RNF212B: variants seen among roughly 807,000 people sequenced by gnomAD.
RNF212B encodes the protein ring finger protein 212B, also known as E3 ubiquitin-protein ligase RNF212B.
In RNF212B, 52 loss-of-function variants were observed where a neutral mutation model predicts 55.5. The ratio of observed to expected loss-of-function variants is 0.94; its 90% CI spans 0.75 to 1.18. RNF212B has a LOEUF of 1.18. Among genes scored for constraint, RNF212B ranks in the 50% most tolerant of loss-of-function variants. RNF212B has a pLI of 0.00. For synonymous variants in RNF212B, 99 were observed against 121.4 expected (o/e 0.82, Z 1.21); for missense variants, 289 against 350.4 (o/e 0.82, Z 1.40).
intron 2 of RNF212B, among the ~76,000 whole-genome samples, chr14:23,202,829 G>A (rs1195301296): frequency 2.1e-5 from 3 of 143,716 alleles, no homozygotes; most frequent in Admixed American, 7.1e-5. Flanking sequence ...TAGCCTGGGC[G>A]ACAGAGCGAG....
chr14:23,225,626 G>C, intron 2 of RNF212B, among the ~76,000 whole-genome samples: 1 of 150,750 alleles, frequency 6.6e-6, no homozygotes, highest in Non-Finnish European at 1.5e-5. Context: ...TGAAGATAGA[G>C]AATAGAAGGA....
exon 1 of RNF212B, chr14:23,185,382 G>A (rs910285495): frequency 3.3e-5 from 5 of 152,170 alleles, no homozygotes; most frequent in Non-Finnish European, 7.3e-5. Context: ...ACCTTAGAAA[G>A]CACTGAGGAA....
Position 23,240,460 on chromosome 14 carries a change from T to C in RNF212B, c.100+15T>C, listed in dbSNP as rs1197080634. On this transcript the variant is annotated intron_variant, in intron 2 of 14. Transcript: ENST00000430154. ...TGTGACTCTGGGTGAGTGACTCAAC[T>C]GTTTTCAGATTCAGGGAAAAATGTT... The C allele has an allele frequency of 6.7e-7, 1 of 1,492,388 alleles. No individual in the cohort carries two copies. Among genetic ancestry groups the C allele is most frequent in the African/African-American group, 1.4e-5 (1 of 71,868 alleles). The allele number at this position is 1,492,388 out of a possible 1,614,324, so 92.4% of individuals were successfully genotyped here.
chr14:23,244,492 A>G, intron 4 of RNF212B, 96 bp downstream of exon 4: 1 of 641,262 alleles, frequency 1.6e-6, no homozygotes, highest in South Asian at 2.0e-5. Flanking sequence ...CTGCATTTGT[A>G]CACAATGGAG....
intron 8 of RNF212B, 43 bp from the exon 9 acceptor site, chr14:23,262,885 C>A: frequency 1.3e-6 from 2 of 1,542,098 alleles, no homozygotes; most frequent in Non-Finnish European, 1.8e-6. Context: ...GGCAGGCATA[C>A]CATTGATGGC....
At chr14:23,259,831 C>G in intron 5 of RNF212B, 53 bp from the exon 6 acceptor site, 1 of 942,402 alleles carries the variant, frequency 1.1e-6, no homozygotes, top group Non-Finnish European at 1.6e-6. Flanking sequence ...AATAAAAAAT[C>G]AGGTTTTTAA....
upstream of RNF212B, among the ~76,000 whole-genome samples, chr14:23,236,680 G>A (rs1883125478): frequency 6.6e-6 from 1 of 151,842 alleles, no homozygotes. Flanking sequence ...GGTAAATATT[G>A]GTAGATGCAA....
At chr14:23,226,503 C>A (rs929413003) in intron 2 of RNF212B, among the ~76,000 whole-genome samples, 3 of 150,192 alleles carry the variant, frequency 2.0e-5, no homozygotes, top group Admixed American at 1.3e-4. Flanking sequence ...TGGCGGCGTG[C>A]GCCTGTAGTC....
intron 7 of RNF212B, among the ~76,000 whole-genome samples, chr14:23,262,304 T>C (rs1194078848): frequency 6.6e-6 from 1 of 152,184 alleles, no homozygotes; most frequent in African/African-American, 2.4e-5. Context: ...TTGGGTTTAG[T>C]TATTTTTCTA....
chr14:23,250,058 C>T (rs1884289138), intron 4 of RNF212B, among the ~76,000 whole-genome samples: 1 of 152,198 alleles, frequency 6.6e-6, no homozygotes, highest in Non-Finnish European at 1.5e-5. Context: ...CTCTCATGTA[C>T]AAACACAAGT....
intron 4 of RNF212B, 63 bp downstream of exon 4, chr14:23,244,459 C>T (rs1883849331): frequency 7.0e-6 from 6 of 863,090 alleles, no homozygotes; most frequent in Non-Finnish European, 1.1e-5. Context: ...CATCTTATTC[C>T]TTTATCAAAG....
At chr14:23,201,673 T>A (rs1431693005) in intron 2 of RNF212B, among the ~76,000 whole-genome samples, 1 of 152,176 alleles carries the variant, frequency 6.6e-6, no homozygotes, top group African/African-American at 2.4e-5. Context: ...TTTGGAAAGT[T>A]TGTCAAATAT....
At chr14:23,233,009 T>C (rs1199811325), upstream of RNF212B, among the ~76,000 whole-genome samples, 1 of 152,226 alleles carries the variant, frequency 6.6e-6, no homozygotes, top group African/African-American at 2.4e-5. Context: ...AGATTGTTGC[T>C]GTGTCTGTGT....
Position 23,238,069 on chromosome 14 carries a change from C to T in RNF212B, c.-2+14C>T, listed in dbSNP as rs1456105480. Among the ~76,000 whole-genome samples, 3 of 152,128 alleles carry T rather than the reference C, an allele frequency of 2.0e-5. No individual in the cohort carries two copies. The highest frequency in any genetic ancestry group is 2.9e-5 in the Non-Finnish European group (2 of 68,028). Reference sequence around the variant, plus strand: ...GCGGCCAAGCGGGTAGGGAGTGTAGCCAGAAAAAGAACTGAGAAGCTTGAG... The same window carrying T: ...GCGGCCAAGCGGGTAGGGAGTGTAGTCAGAAAAAGAACTGAGAAGCTTGAG... On this transcript the variant is annotated intron_variant, in intron 1 of 14. Coordinates refer to ENST00000430154, the MANE Select transcript of RNF212B (RefSeq NM_001282322.3).
At chr14:23,239,513 C>A (rs1883398363) in intron 1 of RNF212B, among the ~76,000 whole-genome samples, 1 of 152,198 alleles carries the variant, frequency 6.6e-6, no homozygotes. Context: ...GGTTCACTAC[C>A]TTCTCTTGGC....
At chr14:23,210,613 T>C (rs1880398776) in intron 2 of RNF212B, among the ~76,000 whole-genome samples, 1 of 151,296 alleles carries the variant, frequency 6.6e-6, no homozygotes, top group Non-Finnish European at 1.5e-5. Context: ...CCGTCTCTAC[T>C]AAAAATGCAA....
chr14:23,255,263 T>G (rs1884752427), intron 4 of RNF212B, among the ~76,000 whole-genome samples: 1 of 152,252 alleles, frequency 6.6e-6, no homozygotes, highest in Admixed American at 6.5e-5. Context: ...TAGAATAATG[T>G]GTTCCTCAAG....
chr14:23,190,399 T>C (rs1411424714), intron 1 of RNF212B, among the ~76,000 whole-genome samples: 1 of 152,220 alleles, frequency 6.6e-6, no homozygotes, highest in African/African-American at 2.4e-5. Context: ...AACCTGATTT[T>C]TGCCCAGTAT....
chr14:23,238,744 A>AATAATC (rs1020062677), intron 1 of RNF212B, among the ~76,000 whole-genome samples: 1 of 111,638 alleles, frequency 9.0e-6, no homozygotes, highest in Non-Finnish European at 1.8e-5. Context: ...TCAAAATAAT[A>AATAATC]ATAATAATAA....
Sources: allele counts gnomAD v4.1 joint callset (sites outside exome capture counted in the v4.1 genomes callset), GRCh38; gene constraint gnomAD v4.1.1; transcripts MANE v1.5; gene names NCBI Gene and HGNC (gene_info 2026-07-23, HGNC 2026-07-21).